Variants in AKAP8L observed in about 807,000 individuals in gnomAD.
The protein encoded by AKAP8L is A-kinase anchor protein 8-like.
Under a neutral mutation model 77.5 loss-of-function variants are expected in AKAP8L, and 34 were observed. That is an observed-to-expected ratio of 0.44 (90% confidence interval 0.33 to 0.58). The LOEUF (loss-of-function observed/expected upper bound fraction) is 0.58. AKAP8L is among the 20% of genes least tolerant of loss of function. The pLI is 0.02. For synonymous variants in AKAP8L, 342 were observed against 340.7 expected (o/e 1.00, Z -0.04); for missense variants, 806 against 887.6 (o/e 0.91, Z 1.17).
chr19:15,382,913 CT>C (rs1435266349), intron 12 of AKAP8L, among the ~76,000 whole-genome samples: 2 of 152,188 alleles, frequency 1.3e-5, no homozygotes, highest in East Asian at 3.9e-4. Flanking sequence ...TGAACTCAAT[CT>C]GTATATGTTA....
chr19:15,418,282 G>A (rs906872247), intron 1 of AKAP8L, among the ~76,000 whole-genome samples: 43 of 152,326 alleles, frequency 2.8e-4, no homozygotes, highest in African/African-American at 1.0e-3. Context: ...TACCGGACAC[G>A]GTTCATTTGA....
rs1967887711 is a variant in AKAP8L at position 15,401,111 on chromosome 19, G to T, written c.816+39C>A. The T allele has an allele frequency of 6.2e-7, 1 of 1,606,850 alleles. No individual in the cohort carries two copies. Among genetic ancestry groups the T allele is most frequent in the East Asian group, 2.2e-5 (1 of 44,864 alleles). On this transcript the variant is annotated intron_variant, in intron 5 of 13. Coordinates refer to ENST00000397410, the MANE Select transcript of AKAP8L (RefSeq NM_014371.4). This position sits in a 1 kb window ranked among gnomAD's most constrained non-coding sequence, Gnocchi z 6.2. The stretch of plus-strand genomic sequence containing the variant: ...CCGGCCCTTAGCTCCGCCCCAGTGG[G>T]AACTAAGCTTCCCAGAGGGGAAGGC...
Position 15,403,388 on chromosome 19 carries a change from G to C in AKAP8L, c.362+87C>G. ...AAGCAGCGGGGAGGAAGCAGACACA[G>C]AGGGGCACTCAGAGAGGAAAACGCA... On this transcript the variant is annotated intron_variant, in intron 4 of 13. Transcript: ENST00000397410. This position sits in a 1 kb window ranked among gnomAD's most constrained non-coding sequence, Gnocchi z 4.3. 7.7e-7 allele frequency: 1 copy of C among 1,296,088 alleles called. No homozygotes were observed. 80.3% of individuals were successfully genotyped at this position (1,296,088 alleles called of 1,614,324 possible).
At chr19:15,388,133 C>T (rs908322152) in intron 12 of AKAP8L, among the ~76,000 whole-genome samples, 1 of 152,018 alleles carries the variant, frequency 6.6e-6, no homozygotes, top group Non-Finnish European at 1.5e-5. Context: ...AGAGCGAGCC[C>T]ATGGCTTCCT....
At chr19:15,389,543 C>G (rs751015884) in intron 12 of AKAP8L, among the ~76,000 whole-genome samples, 1 of 152,044 alleles carries the variant, frequency 6.6e-6, no homozygotes, top group Non-Finnish European at 1.5e-5. Flanking sequence ...GAGGCCGAGG[C>G]GGGCAGATCA....
chr19:15,398,399 T>A lies in AKAP8L; in HGVS notation c.1158-544A>T. On this transcript the variant is annotated intron_variant, in intron 9 of 13. Coordinates refer to ENST00000397410, the MANE Select transcript of AKAP8L (RefSeq NM_014371.4). The surrounding 1 kb of genome is among the most constrained non-coding windows in gnomAD (Gnocchi z 9.2). ...CGGGAGGGATGGGAGGCAGCAGGCCTGGGCACCTGCTGCCTCATCTTCCTC... is the reference window on the plus strand; with the variant it reads ...CGGGAGGGATGGGAGGCAGCAGGCCAGGGCACCTGCTGCCTCATCTTCCTC... The A allele has an allele frequency of 5.3e-6, 1 of 187,164 alleles. No individual in the cohort carries two copies. Among genetic ancestry groups the A allele is most frequent in the South Asian group, 1.7e-4 (1 of 6,016 alleles). 11.6% of individuals were successfully genotyped at this position (187,164 alleles called of 1,614,324 possible).
intron 12 of AKAP8L, among the ~76,000 whole-genome samples, chr19:15,385,714 C>T: frequency 6.6e-6 from 1 of 152,150 alleles, no homozygotes; most frequent in Middle Eastern, 3.4e-3. Context: ...ATCCTCCCAC[C>T]TCAGCCTCCC....
Position 15,399,662 on chromosome 19 carries a change from T to C in AKAP8L, c.1049-252A>G. On this transcript the variant is annotated intron_variant, in intron 8 of 13. Coordinates refer to ENST00000397410, the MANE Select transcript of AKAP8L (RefSeq NM_014371.4). The surrounding 1 kb of genome is among the most constrained non-coding windows in gnomAD (Gnocchi z 6.1). Reference sequence around the variant, plus strand: ...CAGGACACCCATGCTCTCTGTGCAGTGGGCCAGGAGGAGGCTGGAAAGCAA... The same window carrying C: ...CAGGACACCCATGCTCTCTGTGCAGCGGGCCAGGAGGAGGCTGGAAAGCAA... 1.9e-6 allele frequency: 1 copy of C among 526,464 alleles called. No individual in the cohort carries two copies. Among genetic ancestry groups the C allele is most frequent in the Non-Finnish European group, 3.4e-6 (1 of 291,414 alleles). The allele number at this position is 526,464 out of a possible 1,614,324, so 32.6% of individuals were successfully genotyped here.
chr19:15,385,330 C>T lies in AKAP8L; in HGVS notation c.1537-4718G>A, dbSNP rs555423976. Among the ~76,000 whole-genome samples the T allele has an allele frequency of 2.5e-3, 378 of 150,692 alleles. 1 individual carries two copies. Among genetic ancestry groups the T allele is most frequent in the Admixed American group, 4.9e-3 (74 of 15,128 alleles). ...CCGAGTAGCTGGGACTACAGGCGCC[C>T]GCCACCACGTCTGGCTAATTTTTTG... On this transcript the variant is annotated intron_variant, in intron 12 of 13. Coordinates refer to ENST00000397410, the MANE Select transcript of AKAP8L (RefSeq NM_014371.4).
intron 13 of AKAP8L, 25 bp downstream of exon 13, chr19:15,380,492 G>A (rs1290330092): frequency 1.2e-6 from 2 of 1,613,402 alleles, no homozygotes; most frequent in African/African-American, 1.3e-5. Flanking sequence ...GCTGGGGACA[G>A]GGCAGGCCCG....
chr19:15,383,858 T>C (rs1244452100), intron 12 of AKAP8L: 3 of 152,176 alleles, frequency 2.0e-5, no homozygotes, highest in Admixed American at 6.6e-5. Flanking sequence ...AACTGGTTTT[T>C]GTTTTGTTTC....
At chr19:15,380,467 A>G (rs1360122586) in intron 13 of AKAP8L, 37 bp from the exon 14 acceptor site, 2 of 1,612,508 alleles carry the variant, frequency 1.2e-6, no homozygotes, top group Non-Finnish European at 1.7e-6. Context: ...GGGAGGGAGC[A>G]CAGGCGGGGA....
chr19:15,408,147 C>T (rs995738967), intron 2 of AKAP8L, among the ~76,000 whole-genome samples: 1 of 150,858 alleles, frequency 6.6e-6, no homozygotes, highest in African/African-American at 2.4e-5. Context: ...TACAAAAAGA[C>T]CGTGCTGCTG....
chr19:15,395,967 G>C (rs1967764036), intron 12 of AKAP8L, among the ~76,000 whole-genome samples: 1 of 78,426 alleles, frequency 1.3e-5, no homozygotes, highest in African/African-American at 5.3e-5. Flanking sequence ...CTGGGCGACA[G>C]AGCGAGACTC....
intron 12 of AKAP8L, among the ~76,000 whole-genome samples, chr19:15,390,704 A>G (rs1267230071): frequency 6.6e-6 from 1 of 152,212 alleles, no homozygotes; most frequent in Non-Finnish European, 1.5e-5. Context: ...AATCTAATAT[A>G]TAAACATAAT....
At chr19:15,392,582 G>A (rs1176475202) in intron 12 of AKAP8L, among the ~76,000 whole-genome samples, 2 of 150,930 alleles carry the variant, frequency 1.3e-5, no homozygotes, top group African/African-American at 4.9e-5. Context: ...AATAGTAACA[G>A]AAAGAATAAA....
chr19:15,418,938 C>T lies in AKAP8L; in HGVS notation c.-15G>A. 1.2e-6 allele frequency: 2 copies of T among 1,604,888 alleles called. No individual in the cohort carries two copies. Among genetic ancestry groups the T allele is most frequent in the Non-Finnish European group, 8.5e-7 (1 of 1,179,520 alleles). On this transcript the variant is annotated 5_prime_UTR_variant, in exon 1 of 14. It adds an upstream start codon to the 5' untranslated region. Transcript: ENST00000397410. ...GTGTAGCTCATGGTGGCGGGCAACACAACATCCGACGACGCCGGCTTCTGC... is the reference window on the plus strand; with the variant it reads ...GTGTAGCTCATGGTGGCGGGCAACATAACATCCGACGACGCCGGCTTCTGC...
chr19:15,418,748 G>A (rs899388478), intron 1 of AKAP8L, among the ~76,000 whole-genome samples, 163 bp downstream of exon 1: 1 of 152,212 alleles, frequency 6.6e-6, no homozygotes, highest in Non-Finnish European at 1.5e-5. Flanking sequence ...GCAACGAGGC[G>A]TGAGGGCAGC....
Position 15,399,343 on chromosome 19 carries a change from C to T in AKAP8L, c.1116G>A (p.Gln372=). The change falls in exon 9 of 14, where the codon CAG becomes CAA. Residue 372 remains glutamine (Q), a synonymous_variant. Transcript: ENST00000397410. The surrounding 1 kb of genome is among the most constrained non-coding windows in gnomAD (Gnocchi z 6.1). The stretch of plus-strand genomic sequence containing the variant: ...CTCGCTGCCGCTTTTTCTGCTTGTC[C>T]TGACTCTTCTTGCCTGCCTGCAACT... ...KRKLQAGKKS[Q]DKQKKRQRDR... is the part of the protein sequence containing the mutation. The T allele has an allele frequency of 6.2e-7, 1 of 1,613,924 alleles. No individual in the cohort carries two copies. Among genetic ancestry groups the T allele is most frequent in the Non-Finnish European group, 8.5e-7 (1 of 1,179,868 alleles).
Sources: allele counts gnomAD v4.1 joint callset (sites outside exome capture counted in the v4.1 genomes callset), GRCh38; gene constraint gnomAD v4.1.1; non-coding constraint Gnocchi (gnomAD v3.1); transcripts MANE v1.5; gene names NCBI Gene and HGNC (gene_info 2026-07-23, HGNC 2026-07-21).